The following PRIM2 variants were observed in gnomAD, a reference collection of about 807,000 sequenced individuals.
PRIM2 encodes the protein DNA primase large subunit.
Under a neutral mutation model 67.3 loss-of-function variants are expected in PRIM2, and 39 were observed. The ratio of observed to expected loss-of-function variants is 0.58; its 90% confidence interval spans 0.45 to 0.76. The LOEUF (loss-of-function observed/expected upper bound fraction) is 0.76, where lower values mean the gene tolerates loss of function less well. PRIM2 is among the 30% of genes least tolerant of loss of function. The probability of loss-of-function intolerance (pLI) is 0.00; values close to 1 mark genes in which losing one functional copy is unlikely to be tolerated. For missense variants in PRIM2, 398 were observed against 598.7 expected (o/e 0.66, Z 3.50); for synonymous variants, 143 against 198.7 (o/e 0.72, Z 2.36).
Position 57,394,639 on chromosome 6 carries a change from T to G in PRIM2, c.693+12471T>G, listed in dbSNP as rs78906907. ...GCGACAGTTTGACTTCCTCTTTACC[T>G]ATTTGGATGCCCTTTCTTTCTCTTG... On this transcript the variant is annotated intron_variant, in intron 7 of 13. Transcript: ENST00000615550. Among the ~76,000 whole-genome samples the G allele has an allele frequency of 3.3e-5, 5 of 152,212 alleles. No homozygotes were observed. The East Asian group carries it at 9.7e-4, about 29-fold the overall frequency.
At chr6:57,362,122 C>T (rs1016657278) in intron 5 of PRIM2, among the ~76,000 whole-genome samples, 19 of 152,066 alleles carry the variant, frequency 1.2e-4, no homozygotes, top group Non-Finnish European at 2.2e-4. Context: ...TTTGTCAAAG[C>T]CATAGAGCTG....
At chr6:57,640,754 C>T (rs1430506642) in intron 13 of PRIM2, among the ~76,000 whole-genome samples, 1 of 152,168 alleles carries the variant, frequency 6.6e-6, no homozygotes. Flanking sequence ...GGAAAACATT[C>T]CATGCTCATG....
At chr6:57,638,798 G>T (rs1448386127) in intron 13 of PRIM2, among the ~76,000 whole-genome samples, 2 of 151,898 alleles carry the variant, frequency 1.3e-5, no homozygotes, top group African/African-American at 2.4e-5. Flanking sequence ...GTAGACACCC[G>T]CACAATAATA....
chr6:57,502,368 C>T (rs1394015367), intron 7 of PRIM2, among the ~76,000 whole-genome samples: 1 of 152,178 alleles, frequency 6.6e-6, no homozygotes, highest in Non-Finnish European at 1.5e-5. Flanking sequence ...ACCAACATTC[C>T]CTCCTGACAA....
chr6:57,277,773 G>A, the PRIM2 span, among the ~76,000 whole-genome samples: 1 of 152,032 alleles, frequency 6.6e-6, no homozygotes, highest in Non-Finnish European at 1.5e-5. Flanking sequence ...AAGGTCAGGA[G>A]ATCGAGACCA....
chr6:57,367,717 C>T (rs1769408724), intron 5 of PRIM2, among the ~76,000 whole-genome samples: 1 of 152,152 alleles, frequency 6.6e-6, no homozygotes, highest in African/African-American at 2.4e-5. Context: ...TATGTGAGGA[C>T]TTCTAAAAGG....
chr6:57,324,590 A>G (rs1767781137), intron 4 of PRIM2, among the ~76,000 whole-genome samples: 1 of 152,166 alleles, frequency 6.6e-6, no homozygotes, highest in African/African-American at 2.4e-5. Context: ...TTTTTCCTGC[A>G]AAAAAATGGT....
intron 12 of PRIM2, among the ~76,000 whole-genome samples, chr6:57,620,168 CTTGGG>C (rs1472643888): frequency 6.6e-6 from 1 of 152,142 alleles, no homozygotes; most frequent in Non-Finnish European, 1.5e-5. Context: ...TGCACTCCAA[CTTGGG>C]TGACAGAGTG....
At chr6:57,573,963 AAATGAT>A (rs1358375369) in intron 10 of PRIM2, among the ~76,000 whole-genome samples, 6 of 151,860 alleles carry the variant, frequency 4.0e-5, no homozygotes, top group Non-Finnish European at 7.4e-5. Context: ...TTTAGCTATA[AAATGAT>A]AACTGTAGTA....
chr6:57,240,593 G>A, the PRIM2 span, among the ~76,000 whole-genome samples: 4 of 152,162 alleles, frequency 2.6e-5, no homozygotes, highest in East Asian at 1.9e-4. Context: ...GTAGAGAGAA[G>A]TCCCAGGACA....
At chr6:57,489,768 T>C (rs1773847663) in intron 7 of PRIM2, among the ~76,000 whole-genome samples, 2 of 152,212 alleles carry the variant, frequency 1.3e-5, no homozygotes, top group African/African-American at 4.8e-5. Flanking sequence ...ACTACAGAAG[T>C]AAGAGGAAAG....
intron 10 of PRIM2, among the ~76,000 whole-genome samples, chr6:57,593,081 T>C (rs1776309290): frequency 6.6e-6 from 1 of 152,100 alleles, no homozygotes. Flanking sequence ...TCATTTAACA[T>C]AATGCCTCTG....
At chr6:57,255,991 T>G in the PRIM2 span, among the ~76,000 whole-genome samples, 670 of 151,376 alleles carry the variant, frequency 4.4e-3, 1 homozygote, top group African/African-American at 0.014. Context: ...AACAAATTTT[T>G]AAAAGCAATT....
Position 57,442,641 on chromosome 6 carries a change from G to C in PRIM2, c.693+60473G>C, listed in dbSNP as rs150733871. On this transcript the variant is annotated intron_variant, in intron 7 of 13. Coordinates refer to ENST00000615550, the MANE Select transcript of PRIM2 (RefSeq NM_000947.5). ...TGTCATTGTTGTAGTAATTTTACTT[G>C]GTGGTGCCATTAAAAGTTAATTTAA... Among the ~76,000 whole-genome samples the C allele has an allele frequency of 1.2e-3, 189 of 151,974 alleles. 4 individuals are homozygous for C. In the East Asian group the frequency reaches 0.016, roughly 13 times the overall value.
At chr6:57,630,814 A>G (rs1395264700) in intron 12 of PRIM2, among the ~76,000 whole-genome samples, 9 of 152,202 alleles carry the variant, frequency 5.9e-5, no homozygotes, top group Admixed American at 5.9e-4. Flanking sequence ...TGTGAAGAGC[A>G]TCAGACAACA....
At chr6:57,492,999 T>G (rs1773931492) in intron 7 of PRIM2, among the ~76,000 whole-genome samples, 1 of 152,192 alleles carries the variant, frequency 6.6e-6, no homozygotes, top group African/African-American at 2.4e-5. Flanking sequence ...GGATAGAAAT[T>G]ATGTCAAAGC....
chr6:57,473,854 T>G (rs1258487960), intron 7 of PRIM2, among the ~76,000 whole-genome samples: 7 of 152,178 alleles, frequency 4.6e-5, no homozygotes, highest in African/African-American at 2.4e-5. Context: ...TTGAATAACT[T>G]TGCCAGAGAC....
At chr6:57,566,581 A>G (rs1198379874) in intron 10 of PRIM2, among the ~76,000 whole-genome samples, 11 of 152,238 alleles carry the variant, frequency 7.2e-5, no homozygotes, top group African/African-American at 1.4e-4. Context: ...TTTGTATCCT[A>G]TATAGCTCAG....
chr6:57,407,471 T>TG (rs1770930687), intron 7 of PRIM2, among the ~76,000 whole-genome samples: 1 of 151,454 alleles, frequency 6.6e-6, no homozygotes, highest in African/African-American at 2.5e-5. Flanking sequence ...TGGGTTTTTT[T>TG]TTTGTGTGTG....
Sources: gnomAD v4.1 joint callset for allele counts (sites outside exome capture counted in the v4.1 genomes callset) on GRCh38, gnomAD v4.1.1 for gene constraint, MANE v1.5 for transcripts, NCBI Gene and HGNC (gene_info 2026-07-23, HGNC 2026-07-21) for gene names.